Variants in MED14 observed in about 807,000 individuals in gnomAD.
MED14 encodes the protein mediator complex subunit 14, also known as mediator of RNA polymerase II transcription subunit 14.
Under a neutral mutation model 109.0 loss-of-function variants are expected in MED14, and 8 were observed. That is an observed-to-expected ratio of 0.07 (90% CI 0.04 to 0.13). The LOEUF is 0.13. Among genes scored for constraint, MED14 ranks in the 10% least tolerant of loss-of-function variants. The pLI is 1.00. For synonymous variants in MED14, 399 were observed against 408.7 expected (o/e 0.98, Z 0.29); for missense variants, 711 against 1,142.4 (o/e 0.62, Z 5.44).
At chrX:40,702,808 A>C (rs1269611080) in intron 11 of MED14, among the ~76,000 whole-genome samples, 1 of 112,014 alleles carries the variant, frequency 8.9e-6, no homozygotes, top group Non-Finnish European at 1.9e-5. Flanking sequence ...CTATAGCTAT[A>C]AAATATAACC....
chrX:40,659,603 T>C lies in MED14; in HGVS notation c.3689A>G (p.Gln1230Arg). 2 of 1,193,114 alleles carry C rather than the reference T, an allele frequency of 1.7e-6. No homozygotes were observed. The highest frequency in any genetic ancestry group is 2.3e-6 in the Non-Finnish European group (2 of 886,421). Residue 1230 changes from glutamine (Q) to arginine (R), a missense_variant, in exon 27 of 31, where the codon CAG becomes CGG. By Grantham distance (43) the Gln-to-Arg change is conservative. This residue lies in a region of MED14 where 54 missense variants were observed against 129.6 expected (regional missense o/e 0.42). Transcript: ENST00000324817. ...LQRIIQQETLQLINSNEPGVI... is the reference protein window; with the variant it reads ...LQRIIQQETLRLINSNEPGVI... The stretch of plus-strand genomic sequence containing the variant: ...TCCGGGTTCATTAGAATTTATCAGC[T>C]GCAGCTACAAAACAAGGACACATCA...
At position 40,692,239 on chromosome X, in the gene MED14, C is replaced by A; in HGVS notation, c.1924G>T (p.Ala642Ser). The A allele has an allele frequency of 1.7e-6, 2 of 1,207,409 alleles. No homozygotes were observed. Among genetic ancestry groups the A allele is most frequent in the South Asian group, 1.8e-5 (1 of 56,841 alleles). Residue 642 changes from alanine (A) to serine (S), a missense_variant, in exon 15 of 31, where the codon GCC becomes TCC. This residue lies in a region of MED14 where 388 missense variants were observed against 517.3 expected (regional missense o/e 0.75). Coordinates refer to ENST00000324817, the MANE Select transcript of MED14 (RefSeq NM_004229.4). Reference protein sequence around the residue: ...GEMCAFNKVLAHFVAMCDTNM... With the variant: ...GEMCAFNKVLSHFVAMCDTNM... ...GTATCACACATAGCGACGAAGTGGG[C>A]TAAAACTTTATTGAAGGCACACATT...
chrX:40,664,518 A>C, intron 24 of MED14, 29 bp from the exon 25 acceptor site: 1 of 935,465 alleles, frequency 1.1e-6, no homozygotes, highest in Non-Finnish European at 1.4e-6. Flanking sequence ...AATGATTCTC[A>C]AAACCTATAT....
Position 40,651,760 on chromosome X carries a change from T to G in MED14, c.*46A>C, listed in dbSNP as rs1928886251. 19 of 1,126,586 alleles carry G rather than the reference T, an allele frequency of 1.7e-5. No homozygotes were observed. The highest frequency in any genetic ancestry group is 2.2e-5 in the Non-Finnish European group (19 of 858,848). The allele number at this position is 1,126,586 out of a possible 1,213,427, so 92.8% of individuals were successfully genotyped here. A position where few individuals can be genotyped will look rare whatever the true frequency, so the allele number is the denominator to read the frequency against. On this transcript the variant is annotated 3_prime_UTR_variant, in exon 31 of 31. Coordinates refer to ENST00000324817, the MANE Select transcript of MED14 (RefSeq NM_004229.4). ...AACTGAAGGCTGAATTCAGATTTTT[T>G]TTGTTGTCTCATCTGTCAGCCTTCC...
intron 23 of MED14, among the ~76,000 whole-genome samples, chrX:40,669,061 T>C (rs1272186487): frequency 8.9e-6 from 1 of 111,971 alleles, no homozygotes; most frequent in African/African-American, 3.3e-5. Flanking sequence ...CTTATTTAGC[T>C]GTATGATCTG....
chrX:40,705,778 T>C (rs12557871), intron 10 of MED14, among the ~76,000 whole-genome samples: 9,809 of 111,255 alleles, frequency 0.088, 840 homozygotes, highest in African/African-American at 0.25. Flanking sequence ...GTGTGGTTCA[T>C]AGCTTCCAAA....
rs1330453607 is a variant in MED14, at chrX:40,650,034, A to C, written c.*1772T>G. 1.3e-6 allele frequency: 1 copy of C among 743,636 alleles called. No individual in the cohort carries two copies. Among genetic ancestry groups the C allele is most frequent in the East Asian group, 1.5e-4 (1 of 6,624 alleles). 61.3% of individuals were successfully genotyped at this position (743,636 alleles called of 1,213,427 possible). A position where few individuals can be genotyped will look rare whatever the true frequency, so the allele number is the denominator to read the frequency against. ...AAACAATATTATCCTGCAGATAAAA[A>C]TACATTTCTTGTATATACATGTAGA... On this transcript the variant is annotated 3_prime_UTR_variant, in exon 31 of 31. Coordinates refer to ENST00000324817, the MANE Select transcript of MED14 (RefSeq NM_004229.4).
intron 11 of MED14, 104 bp downstream of exon 11, chrX:40,703,340 G>T: frequency 1.4e-6 from 1 of 712,911 alleles, no homozygotes; most frequent in Non-Finnish European, 2.1e-6. Context: ...TTTCAACACT[G>T]CATATACCAT....
At chrX:40,725,087 A>G (rs1931850761) in intron 3 of MED14, among the ~76,000 whole-genome samples, 1 of 112,029 alleles carries the variant, frequency 8.9e-6, no homozygotes, top group Admixed American at 9.5e-5. Context: ...TCCTAGACAC[A>G]TACAACCTGT....
At chrX:40,711,398 G>A in intron 7 of MED14, 97 bp from the exon 8 acceptor site, 3 of 676,086 alleles carry the variant, frequency 4.4e-6, no homozygotes, top group East Asian at 3.9e-5. Flanking sequence ...TTGAAAACCT[G>A]GAGAAAAATT....
At chrX:40,734,890 G>A (rs1932199309) in intron 1 of MED14, among the ~76,000 whole-genome samples, 3 of 112,215 alleles carry the variant, frequency 2.7e-5, no homozygotes, top group Admixed American at 1.9e-4. Flanking sequence ...CTAAAAGCTC[G>A]AATATTATGT....
At chrX:40,724,238 G>A (rs1931827200) in intron 3 of MED14, among the ~76,000 whole-genome samples, 1 of 112,403 alleles carries the variant, frequency 8.9e-6, no homozygotes, top group South Asian at 3.6e-4. Flanking sequence ...AATAATAGCT[G>A]GAGACTTCAA....
At chrX:40,703,725 CAGTT>C (rs1206429878) in intron 10 of MED14, among the ~76,000 whole-genome samples, 156 bp from the exon 11 acceptor site, 16 of 112,397 alleles carry the variant, frequency 1.4e-4, no homozygotes, top group African/African-American at 4.5e-4. Flanking sequence ...ATTATTATGT[CAGTT>C]AGCAGCTCAA....
chrX:40,711,388 T>C, intron 7 of MED14, 87 bp from the exon 8 acceptor site: 13 of 776,101 alleles, frequency 1.7e-5, no homozygotes, highest in Admixed American at 4.0e-5. Context: ...GGTTCTCTTA[T>C]TGAAAACCTG....
chrX:40,716,581 C>A (rs1266565221), intron 3 of MED14, among the ~76,000 whole-genome samples: 2 of 103,229 alleles, frequency 1.9e-5, no homozygotes, highest in Non-Finnish European at 1.9e-5. Context: ...CAGAATGAGA[C>A]CCTGTCTCAA....
rs1165393504 is a variant in MED14 at position 40,663,125 on chromosome X, G to A, written c.3484C>T (p.Arg1162Cys). Residue 1162 changes from arginine to cysteine, a missense_variant, in exon 26 of 31, where the codon CGT becomes TGT. Transcript: ENST00000324817. ...QTMPTNMPPP[R>C]KLPQRSWAAS... is the part of the protein sequence containing the mutation. ...GCCCAAGAGCGCTGAGGTAGTTTAC[G>A]AGGTGGAGGCATGTTTGTTGGCATT... 2 of 1,211,326 alleles carry A rather than the reference G, an allele frequency of 1.7e-6. No individual in the cohort carries two copies. Among genetic ancestry groups the A allele is most frequent in the East Asian group, 3.0e-5 (1 of 33,856 alleles).
chrX:40,688,403 G>C lies in MED14; in HGVS notation c.2057+51C>G, dbSNP rs780075983. On this transcript the variant is annotated intron_variant, in intron 16 of 30. Coordinates refer to ENST00000324817, the MANE Select transcript of MED14 (RefSeq NM_004229.4). ...TCTCATGAAAGAGAAGCAGCTTTCA[G>C]AGTGTGACTGCAACATGTGGCACCA... 6.6e-6 allele frequency: 6 copies of C among 905,867 alleles called. No homozygotes were observed. In the Admixed American group the frequency reaches 1.3e-4, roughly 20 times the overall value. 74.7% of individuals were successfully genotyped at this position (905,867 alleles called of 1,213,427 possible). A position where few individuals can be genotyped will look rare whatever the true frequency, so the allele number is the denominator to read the frequency against.
chrX:40,666,591 T>G, intron 24 of MED14, 129 bp downstream of exon 24: 2 of 701,005 alleles, frequency 2.9e-6, no homozygotes, highest in Non-Finnish European at 2.2e-6. Flanking sequence ...GATTTTCTTT[T>G]TGCTTGAGCA....
chrX:40,691,072 T>C (rs1930482959), intron 15 of MED14, among the ~76,000 whole-genome samples: 1 of 112,198 alleles, frequency 8.9e-6, no homozygotes, highest in Non-Finnish European at 1.9e-5. Context: ...ACTGGGGTTT[T>C]AGTGTATCAC....
Sources: gnomAD v4.1 joint callset for allele counts (sites outside exome capture counted in the v4.1 genomes callset) on GRCh38, gnomAD v4.1.1 for gene constraint, gnomAD v4.1.1 regional missense constraint, MANE v1.5 for transcripts, NCBI Gene and HGNC (gene_info 2026-07-23, HGNC 2026-07-21) for gene names.